GRIK2: variants seen among roughly 807,000 people sequenced by gnomAD.
GRIK2 encodes the protein glutamate ionotropic receptor kainate type subunit 2.
Under a neutral mutation model 100.3 loss-of-function variants are expected in GRIK2, and 32 were observed. The ratio of observed to expected loss-of-function variants is 0.32; its 90% confidence interval spans 0.24 to 0.43. The LOEUF (loss-of-function observed/expected upper bound fraction) is 0.43, where lower values mean the gene tolerates loss of function less well. Among genes scored for constraint, GRIK2 ranks in the 20% least tolerant of loss-of-function variants. The pLI, the probability that GRIK2 is intolerant of heterozygous loss-of-function variation, is 1.00. For missense variants in GRIK2, 843 were observed against 1,114.9 expected (o/e 0.76, Z 3.47); for synonymous variants, 417 against 389.4 (o/e 1.07, Z -0.83).
At chr6:101,761,920 C>T (rs981345050) in intron 7 of GRIK2, among the ~76,000 whole-genome samples, 1 of 92,976 alleles carries the variant, frequency 1.1e-5, no homozygotes. Context: ...CCTTTCTTTC[C>T]TTTGTTTGTT....
chr6:101,721,088 T>TA (rs146701829), intron 7 of GRIK2, among the ~76,000 whole-genome samples: 11,590 of 152,124 alleles, frequency 0.076, 487 homozygotes, highest in Middle Eastern at 0.11. Flanking sequence ...TTTAGAATGA[T>TA]AAATTTTTAA....
rs142770550 is a variant in GRIK2 at position 101,781,263 on chromosome 6, A to C, written c.952-18385A>C. Among the ~76,000 whole-genome samples, 54 of 152,330 alleles carry C rather than the reference A, an allele frequency of 3.5e-4. 1 individual carries two copies. The East Asian group carries it at 9.3e-3, about 26-fold the overall frequency. On this transcript the variant is annotated intron_variant, in intron 7 of 16. Transcript: ENST00000369134. The stretch of plus-strand genomic sequence containing the variant: ...ATTGGTCACAATCAGTGACATTATG[A>C]ACCTCTGAAAGGAGTGTGGTGGCTC...
chr6:102,015,892 C>G (rs538138127), intron 14 of GRIK2, among the ~76,000 whole-genome samples: 1 of 152,166 alleles, frequency 6.6e-6, no homozygotes, highest in Non-Finnish European at 1.5e-5. Flanking sequence ...GAGTCCTGAT[C>G]TGAGCCTTGG....
chr6:101,901,996 G>A lies in GRIK2; in HGVS notation c.1748+12133G>A, dbSNP rs186875275. Among the ~76,000 whole-genome samples the A allele has an allele frequency of 2.3e-3, 351 of 151,048 alleles. 4 individuals carry two copies. The highest frequency in any genetic ancestry group is 7.5e-3 in the African/African-American group (308 of 41,218). Reference sequence around the variant, plus strand: ...CTAACACTACCAATTAAATAATGTCGAGCAATTCATGAATCATCTATAAAA... The same window carrying A: ...CTAACACTACCAATTAAATAATGTCAAGCAATTCATGAATCATCTATAAAA... On this transcript the variant is annotated intron_variant, in intron 12 of 16. Coordinates refer to ENST00000369134, the MANE Select transcript of GRIK2 (RefSeq NM_021956.5).
chr6:101,798,278 G>A (rs1365462355), intron 7 of GRIK2, among the ~76,000 whole-genome samples: 2 of 152,004 alleles, frequency 1.3e-5, no homozygotes, highest in Admixed American at 6.6e-5. Context: ...GACTACCTGT[G>A]TAATATATGT....
At chr6:101,843,664 G>A (rs1783645106) in intron 10 of GRIK2, among the ~76,000 whole-genome samples, 1 of 152,124 alleles carries the variant, frequency 6.6e-6, no homozygotes, top group African/African-American at 2.4e-5. Context: ...TGGCCCAACT[G>A]CACGTTATAA....
chr6:101,586,540 C>T (rs1778372867), intron 2 of GRIK2, among the ~76,000 whole-genome samples: 1 of 151,902 alleles, frequency 6.6e-6, no homozygotes, highest in East Asian at 2.0e-4. Context: ...AGGATGAGTC[C>T]AACTCCCTCT....
At chr6:101,529,674 G>T (rs1234022847) in intron 2 of GRIK2, among the ~76,000 whole-genome samples, 2 of 152,044 alleles carry the variant, frequency 1.3e-5, no homozygotes, top group Non-Finnish European at 2.9e-5. Context: ...AAGAGGGTTG[G>T]TGTCCTAAAG....
intron 14 of GRIK2, among the ~76,000 whole-genome samples, chr6:101,994,934 A>T (rs1002629584): frequency 6.6e-6 from 1 of 151,950 alleles, no homozygotes; most frequent in South Asian, 2.1e-4. Flanking sequence ...TGATCAGATC[A>T]TATTAACTTG....
At chr6:101,895,310 T>C (rs948081957) in intron 12 of GRIK2, among the ~76,000 whole-genome samples, 1 of 151,726 alleles carries the variant, frequency 6.6e-6, no homozygotes, top group African/African-American at 2.4e-5. Flanking sequence ...GAATATTATC[T>C]ATCATATTAG....
rs374127076 is a variant in GRIK2, at chr6:101,887,737, G to A, written c.1525-1903G>A. Among the ~76,000 whole-genome samples the A allele has an allele frequency of 1.1e-4, 16 of 152,156 alleles. No homozygotes were observed. The East Asian group carries it at 3.1e-3, about 29-fold the overall frequency. On this transcript the variant is annotated intron_variant, in intron 11 of 16. Coordinates refer to ENST00000369134, the MANE Select transcript of GRIK2 (RefSeq NM_021956.5). ...GGCAGAGCATGGGAGAGGGGGAAGG[G>A]GGAAGGGAGAAGTGCTACACACTTT...
In GRIK2 at chr6:101,781,430, T is replaced by C. The variant is rs147373147; in HGVS notation, c.952-18218T>C. Among the ~76,000 whole-genome samples, 419 of 152,314 alleles carry C rather than the reference T, an allele frequency of 2.8e-3. 3 individuals carry two copies. Among genetic ancestry groups the C allele is most frequent in the African/African-American group, 9.6e-3 (399 of 41,570 alleles). ...TGATAACCTTTGATTTGTAGAGATA[T>C]GTATTTGGGGGTATACTATCAATTT... On this transcript the variant is annotated intron_variant, in intron 7 of 16. Transcript: ENST00000369134.
intron 14 of GRIK2, among the ~76,000 whole-genome samples, chr6:102,025,154 A>G (rs1474917463): frequency 6.6e-6 from 1 of 151,096 alleles, no homozygotes; most frequent in Non-Finnish European, 1.5e-5. Context: ...AAACTCCAGC[A>G]TGATAGGAAT....
At chr6:102,039,848 A>G (rs971294396) in intron 15 of GRIK2, among the ~76,000 whole-genome samples, 4 of 151,550 alleles carry the variant, frequency 2.6e-5, no homozygotes, top group Non-Finnish European at 5.9e-5. Flanking sequence ...TCTCATTAAG[A>G]TGATTTCTAT....
chr6:102,010,238 T>C (rs563180668), intron 14 of GRIK2, among the ~76,000 whole-genome samples: 4 of 152,240 alleles, frequency 2.6e-5, no homozygotes, highest in South Asian at 2.1e-4. Flanking sequence ...CTTGATATTG[T>C]ATTTTTTGGG....
intron 2 of GRIK2, among the ~76,000 whole-genome samples, chr6:101,506,059 C>A (rs1330121287): frequency 1.3e-5 from 2 of 151,930 alleles, no homozygotes; most frequent in African/African-American, 4.8e-5. Flanking sequence ...AATAAATTAA[C>A]CAATTTAATC....
intron 4 of GRIK2, among the ~76,000 whole-genome samples, chr6:101,646,440 G>A (rs190021571): frequency 6.6e-6 from 1 of 151,764 alleles, no homozygotes; most frequent in African/African-American, 2.4e-5. Context: ...AATTACAAAG[G>A]GCAGGAAAAA....
chr6:101,424,504 A>G (rs1404032229), intron 2 of GRIK2, among the ~76,000 whole-genome samples: 3 of 150,998 alleles, frequency 2.0e-5, no homozygotes, highest in African/African-American at 4.9e-5. Context: ...TGAACCCATC[A>G]TTTTTTATGG....
At chr6:101,836,916 G>A (rs746915816) in intron 10 of GRIK2, among the ~76,000 whole-genome samples, 42 of 151,514 alleles carry the variant, frequency 2.8e-4, no homozygotes, top group East Asian at 1.9e-4. Flanking sequence ...TGCCCTCCTC[G>A]GCCTCCCAAA....
Sources: allele counts gnomAD v4.1 joint callset (sites outside exome capture counted in the v4.1 genomes callset), GRCh38; gene constraint gnomAD v4.1.1; transcripts MANE v1.5; gene names NCBI Gene and HGNC (gene_info 2026-07-23, HGNC 2026-07-21).